The following CNTNAP2 variants were observed in gnomAD, a reference collection of about 807,000 sequenced individuals.
CNTNAP2 encodes the protein contactin-associated protein-like 2.
CNTNAP2 carries 98 observed loss-of-function variants against 155.2 expected under a neutral mutation model. That is an observed-to-expected ratio of 0.63 (90% CI 0.54 to 0.75). CNTNAP2 has a LOEUF of 0.75. Ranked by LOEUF, CNTNAP2 falls within the 30% of genes least tolerant of loss-of-function variation. The pLI is 0.00. For missense variants in CNTNAP2, 1,727 were observed against 1,688.1 expected, an observed-to-expected ratio of 1.02 and a Z score of -0.40; for synonymous variants, 651 against 631.2, an observed-to-expected ratio of 1.03 and a Z score of -0.47.
chr7:146,614,213 T>A lies in CNTNAP2; in HGVS notation c.98-160058T>A, dbSNP rs1434414570. Reference sequence around the variant, plus strand: ...AACTCCTCTTAGAAATGTATTTAAATGCTCACGTGTACAAAAGGGAAATTG... The same window carrying A: ...AACTCCTCTTAGAAATGTATTTAAAAGCTCACGTGTACAAAAGGGAAATTG... On this transcript the variant is annotated intron_variant, in intron 1 of 23. Transcript: ENST00000361727. Among the ~76,000 whole-genome samples, 12 of 152,336 alleles carry A rather than the reference T, an allele frequency of 7.9e-5. No homozygotes were observed. In the South Asian group the frequency reaches 1.4e-3, roughly 18 times the overall value.
intron 1 of CNTNAP2, among the ~76,000 whole-genome samples, chr7:146,308,381 G>A (rs1221417554): frequency 1.3e-5 from 2 of 152,172 alleles, no homozygotes; most frequent in Non-Finnish European, 2.9e-5. Context: ...CCATTGGTGG[G>A]ATTGTAAACT....
At chr7:146,881,248 A>C (rs1259755915) in intron 3 of CNTNAP2, among the ~76,000 whole-genome samples, 1 of 152,156 alleles carries the variant, frequency 6.6e-6, no homozygotes, top group Non-Finnish European at 1.5e-5. Context: ...TCTCAAGAAT[A>C]AACTGAATAA....
intron 1 of CNTNAP2, among the ~76,000 whole-genome samples, chr7:146,254,392 C>T (rs1202307624): frequency 6.6e-6 from 1 of 152,140 alleles, no homozygotes; most frequent in Non-Finnish European, 1.5e-5. Flanking sequence ...TTGGCACATG[C>T]CATATTTAAA....
intron 4 of CNTNAP2, among the ~76,000 whole-genome samples, chr7:147,078,491 C>CA (rs1800038483): frequency 6.6e-6 from 1 of 152,040 alleles, no homozygotes; most frequent in South Asian, 2.1e-4. Context: ...ACTGATTAGA[C>CA]AGGGAATTCT....
chr7:146,612,257 T>C (rs985471174), intron 1 of CNTNAP2, among the ~76,000 whole-genome samples: 1 of 152,276 alleles, frequency 6.6e-6, no homozygotes. Context: ...TAGCATACTC[T>C]CTCATACTCA....
chr7:147,792,688 A>G (rs1797838508), intron 13 of CNTNAP2, among the ~76,000 whole-genome samples: 1 of 152,182 alleles, frequency 6.6e-6, no homozygotes, highest in African/African-American at 2.4e-5. Context: ...TTCTGTAGAT[A>G]TATGCTTTTA....
chr7:146,610,909 A>G (rs949608400), intron 1 of CNTNAP2, among the ~76,000 whole-genome samples: 8 of 152,268 alleles, frequency 5.3e-5, no homozygotes, highest in South Asian at 2.1e-4. Context: ...TTAGTCTCTT[A>G]TATGCTTAAG....
At chr7:146,602,699 G>T (rs758791710) in intron 1 of CNTNAP2, among the ~76,000 whole-genome samples, 1 of 152,100 alleles carries the variant, frequency 6.6e-6, no homozygotes, top group African/African-American at 2.4e-5. Context: ...ATTTCAGAGG[G>T]TAAAAAATAT....
intron 1 of CNTNAP2, among the ~76,000 whole-genome samples, chr7:146,315,906 C>T (rs1800897669): frequency 6.6e-6 from 1 of 152,014 alleles, no homozygotes; most frequent in Non-Finnish European, 1.5e-5. Flanking sequence ...AAAAGGAAAA[C>T]TAAAAAGTGC....
chr7:147,842,583 TTTTC>T (rs1798767278), intron 13 of CNTNAP2, among the ~76,000 whole-genome samples: 1 of 65,056 alleles, frequency 1.5e-5, no homozygotes, highest in African/African-American at 5.9e-5. Flanking sequence ...TACTTTTTAC[TTTTC>T]TTTTTTTTTT....
At chr7:148,254,161 GCCA>G (rs2116820878) in intron 20 of CNTNAP2, among the ~76,000 whole-genome samples, 1 of 152,236 alleles carries the variant, frequency 6.6e-6, no homozygotes, top group Admixed American at 6.5e-5. Flanking sequence ...AGTCAGAGTA[GCCA>G]CCCACTTCAA....
intron 13 of CNTNAP2, among the ~76,000 whole-genome samples, chr7:147,811,616 G>A (rs1309925044): frequency 1.3e-5 from 2 of 152,148 alleles, no homozygotes; most frequent in African/African-American, 4.8e-5. Context: ...TAGCAAATAA[G>A]TATATGATTA....
At chr7:146,183,942 T>C (rs949426199) in intron 1 of CNTNAP2, among the ~76,000 whole-genome samples, 1 of 152,188 alleles carries the variant, frequency 6.6e-6, no homozygotes, top group Non-Finnish European at 1.5e-5. Flanking sequence ...AGTAGCTGGC[T>C]CTTTACTTTG....
At chr7:147,098,404 C>T (rs959273903) in intron 4 of CNTNAP2, among the ~76,000 whole-genome samples, 2 of 151,706 alleles carry the variant, frequency 1.3e-5, no homozygotes, top group Non-Finnish European at 2.9e-5. Context: ...TTATCTTACT[C>T]AGTCTTAATT....
chr7:147,739,508 C>T (rs918889632), intron 13 of CNTNAP2, among the ~76,000 whole-genome samples: 9 of 152,112 alleles, frequency 5.9e-5, no homozygotes, highest in Non-Finnish European at 1.3e-4. Flanking sequence ...TTGGCCCTAT[C>T]AGCCTTGAAA....
In CNTNAP2 at chr7:146,216,027, A is replaced by G. The variant is rs1274310835; in HGVS notation, c.97+99054A>G. 2.6e-5 allele frequency among the ~76,000 whole-genome samples: 4 copies of G among 152,166 alleles called. No homozygotes were observed. The East Asian group carries it at 7.7e-4, about 29-fold the overall frequency. On this transcript the variant is annotated intron_variant, in intron 1 of 23. Transcript: ENST00000361727. ...AGGGAGGCCAGTTGCTAAAGTCAAAACAGGTGCCTCTAAGCTAGCTGCCAC... is the reference window on the plus strand; with the variant it reads ...AGGGAGGCCAGTTGCTAAAGTCAAAGCAGGTGCCTCTAAGCTAGCTGCCAC...
intron 13 of CNTNAP2, among the ~76,000 whole-genome samples, chr7:147,878,213 A>G (rs1563121231): frequency 6.6e-6 from 1 of 151,974 alleles, no homozygotes; most frequent in Non-Finnish European, 1.5e-5. Context: ...TCATTGGAAA[A>G]TTATCTATTT....
chr7:146,132,662 G>C (rs1036962591), intron 1 of CNTNAP2, among the ~76,000 whole-genome samples: 1 of 150,046 alleles, frequency 6.7e-6, no homozygotes, highest in Non-Finnish European at 1.5e-5. Context: ...GAGAATATGC[G>C]GTGTTTGGTT....
In CNTNAP2 at chr7:148,369,442, G is replaced by A. The variant is rs557515022; in HGVS notation, c.3476-14207G>A. On this transcript the variant is annotated intron_variant, in intron 21 of 23. Transcript: ENST00000361727. ...GCATTGTTAGTAGAGACAGGGTTTC[G>A]CCATGTTGGCCAGGATGGTCTCGAA... Among the ~76,000 whole-genome samples, 536 of 151,226 alleles carry A rather than the reference G, an allele frequency of 3.5e-3. 4 individuals carry two copies. The highest frequency in any genetic ancestry group is 0.013 in the African/African-American group (517 of 41,240).
Sources: gnomAD v4.1 joint callset for allele counts (sites outside exome capture counted in the v4.1 genomes callset) on GRCh38, gnomAD v4.1.1 for gene constraint, MANE v1.5 for transcripts, NCBI Gene and HGNC (gene_info 2026-07-23, HGNC 2026-07-21) for gene names.